The following MED1 variants were observed in gnomAD, a reference collection of about 807,000 sequenced individuals.
MED1 encodes mediator of RNA polymerase II transcription subunit 1.
A neutral mutation model predicts 121.3 loss-of-function variants in MED1; 17 were observed. The ratio of observed to expected loss-of-function variants is 0.14; its 90% CI spans 0.10 to 0.21. The LOEUF is 0.21. Among genes scored for constraint, MED1 ranks in the 10% least tolerant of loss-of-function variants. The probability of loss-of-function intolerance (pLI) is 1.00; values close to 1 mark genes in which losing one functional copy is unlikely to be tolerated. For missense variants in MED1, 1,558 were observed against 1,919.4 expected, an observed-to-expected ratio of 0.81 and a Z score of 3.52; for synonymous variants, 661 against 694.4, an observed-to-expected ratio of 0.95 and a Z score of 0.76.
At chr17:39,411,722 G>A (rs1392962206) in intron 16 of MED1, among the ~76,000 whole-genome samples, 2 of 151,802 alleles carry the variant, frequency 1.3e-5, no homozygotes, top group Non-Finnish European at 2.9e-5. Flanking sequence ...AATCTCCGCC[G>A]GTCAGAGTGG....
In MED1 at chr17:39,405,101, G is replaced by C. The variant is rs1413493927; in HGVS notation, c.*2374C>G. On this transcript the variant is annotated 3_prime_UTR_variant, in exon 17 of 17. Coordinates refer to ENST00000300651, the MANE Select transcript of MED1 (RefSeq NM_004774.4). ...CAGAAGAATGAGTACACCTAGACAGGAGGGAGGTGTCCCAGGCTTGGTTTA... is the reference window on the plus strand; with the variant it reads ...CAGAAGAATGAGTACACCTAGACAGCAGGGAGGTGTCCCAGGCTTGGTTTA... The C allele has an allele frequency of 9.0e-7, 1 of 1,107,368 alleles. No homozygotes were observed. Among genetic ancestry groups the C allele is most frequent in the Non-Finnish European group, 1.2e-6 (1 of 802,940 alleles). 68.6% of individuals were successfully genotyped at this position (1,107,368 alleles called of 1,614,324 possible).
At chr17:39,423,269 T>G in intron 13 of MED1, 58 bp downstream of exon 13, 1 of 1,265,086 alleles carries the variant, frequency 7.9e-7, no homozygotes, top group Admixed American at 1.8e-5. Context: ...AAAGGAAGAT[T>G]ATGATCTTGG....
intron 10 of MED1, 24 bp from the exon 11 acceptor site, chr17:39,424,762 T>A (rs1231355824): frequency 7.3e-7 from 1 of 1,373,284 alleles, no homozygotes; most frequent in Non-Finnish European, 1.0e-6. Context: ...AGAAAAAGGG[T>A]ATTCCTCAAA....
intron 14 of MED1, among the ~76,000 whole-genome samples, chr17:39,418,641 A>G (rs2144729963): frequency 6.6e-6 from 1 of 152,302 alleles, no homozygotes; most frequent in South Asian, 2.1e-4. Flanking sequence ...GTTCAGAAAA[A>G]GAGTTAAGAA....
Position 39,405,553 on chromosome 17 carries a change from C to A in MED1, c.*1922G>T. The A allele has an allele frequency of 7.4e-7, 1 of 1,347,386 alleles. No individual in the cohort carries two copies. The highest frequency in any genetic ancestry group is 9.5e-7 in the Non-Finnish European group (1 of 1,048,622). 83.5% of individuals were successfully genotyped at this position (1,347,386 alleles called of 1,614,324 possible). ...CCAACCTGGCTGAATGTCTGAGAGGCTGCTACTGTATCAACATCACAAGAT... is the reference window on the plus strand; with the variant it reads ...CCAACCTGGCTGAATGTCTGAGAGGATGCTACTGTATCAACATCACAAGAT... On this transcript the variant is annotated 3_prime_UTR_variant, in exon 17 of 17. Transcript: ENST00000300651.
At chr17:39,419,612 AC>A (rs936285598) in intron 14 of MED1, 104 bp downstream of exon 14, 43 of 1,167,206 alleles carry the variant, frequency 3.7e-5, no homozygotes, top group African/African-American at 1.7e-4. Context: ...AAAAAAAAAA[AC>A]TTTTTTTAAG....
chr17:39,436,080 A>C (rs1220398202), intron 6 of MED1, among the ~76,000 whole-genome samples: 2 of 151,612 alleles, frequency 1.3e-5, no homozygotes, highest in Non-Finnish European at 2.9e-5. Context: ...TCGAAAAAAA[A>C]GGCCGGGTGC....
At chr17:39,418,620 T>TA (rs1377754446) in intron 14 of MED1, among the ~76,000 whole-genome samples, 2 of 152,108 alleles carry the variant, frequency 1.3e-5, no homozygotes, top group Non-Finnish European at 1.5e-5. Context: ...AATACCCAGT[T>TA]ACATTACTAT....
chr17:39,420,787 G>A (rs2048455702), intron 13 of MED1, among the ~76,000 whole-genome samples: 1 of 128,496 alleles, frequency 7.8e-6, no homozygotes, highest in Admixed American at 8.9e-5. Flanking sequence ...AACCACATGT[G>A]CCTATTTTTT....
At chr17:39,434,005 T>C (rs542745684) in intron 7 of MED1, among the ~76,000 whole-genome samples, 4 of 152,278 alleles carry the variant, frequency 2.6e-5, no homozygotes, top group Admixed American at 6.5e-5. Flanking sequence ...AGCCTAGAAA[T>C]TGGAATGTTG....
intron 1 of MED1, among the ~76,000 whole-genome samples, chr17:39,450,697 C>A (rs773633590): frequency 2.6e-5 from 4 of 152,128 alleles, no homozygotes; most frequent in Non-Finnish European, 5.9e-5. Context: ...AAAATAGTCT[C>A]CAGTACGTTT....
intron 6 of MED1, among the ~76,000 whole-genome samples, chr17:39,438,722 C>T (rs938485165): frequency 1.3e-5 from 2 of 152,110 alleles, no homozygotes; most frequent in African/African-American, 4.8e-5. Context: ...ATCCACCTGC[C>T]TCAGCCTCCC....
rs759704660 is a variant in MED1 at position 39,407,851 on chromosome 17, G to A, written c.4370C>T (p.Thr1457Ile). Residue 1457 changes from threonine to isoleucine, a missense_variant, in exon 17 of 17, where the codon ACC becomes ATC. Thr to Ile is a moderately conservative substitution (Grantham distance 89). Transcript: ENST00000300651. Reference protein sequence around the residue: ...SPSHSKSPAYTPQNLDSESES... With the variant: ...SPSHSKSPAYIPQNLDSESES... ...ACTTTCACTGTCCAGATTCTGGGGGGTATATGCTGGTGACTTACTATGGCT... is the reference window on the plus strand; with the variant it reads ...ACTTTCACTGTCCAGATTCTGGGGGATATATGCTGGTGACTTACTATGGCT... 5 of 1,614,108 alleles carry A rather than the reference G, an allele frequency of 3.1e-6. No homozygotes were observed. The South Asian group carries it at 4.4e-5, about 14-fold the overall frequency.
Position 39,440,507 on chromosome 17 carries a change from T to A in MED1, c.278A>T (p.His93Leu). 2 of 1,610,854 alleles carry A rather than the reference T, an allele frequency of 1.2e-6. No homozygotes were observed. The highest frequency in any genetic ancestry group is 1.3e-5 in the African/African-American group (1 of 74,624). ...SIARQNGLGS[H>L]LSASGTECYI... ...ACATTCAGTGCCACTGGCACTGAGA[T>A]GAGAGCCCAGTCTAGCAGGAACAAA... Residue 93 changes from histidine (H) to leucine (L), a missense_variant, in exon 5 of 17, where the codon CAT becomes CTT. By Grantham distance (99) the His-to-Leu change is moderately conservative. Transcript: ENST00000300651. This position sits in a 1 kb window ranked among gnomAD's most constrained non-coding sequence, Gnocchi z 4.1.
chr17:39,407,149 A>G lies in MED1; in HGVS notation c.*326T>C, dbSNP rs2048309782. 5.9e-6 allele frequency: 6 copies of G among 1,012,258 alleles called. No homozygotes were observed. Among genetic ancestry groups the G allele is most frequent in the South Asian group, 9.0e-5 (2 of 22,262 alleles). The allele number at this position is 1,012,258 out of a possible 1,614,324, so 62.7% of individuals were successfully genotyped here. A position where few individuals can be genotyped will look rare whatever the true frequency, so the allele number is the denominator to read the frequency against. On this transcript the variant is annotated 3_prime_UTR_variant, in exon 17 of 17. Coordinates refer to ENST00000300651, the MANE Select transcript of MED1 (RefSeq NM_004774.4). The stretch of plus-strand genomic sequence containing the variant: ...AATGGAAAAAGGGAGAAGAAAATAT[A>G]TATGAATATTTCCCACAAAACTGTT...
rs2144711265 is a variant in MED1, at chr17:39,407,648, A to C, written c.4573T>G (p.Ser1525Ala). 3 of 1,612,768 alleles carry C rather than the reference A, an allele frequency of 1.9e-6. No individual in the cohort carries two copies. The highest frequency in any genetic ancestry group is 2.5e-6 in the Non-Finnish European group (3 of 1,179,622). ...DRDKDRDKKK[S>A]HSIKPESWSK... ...CAACTCTCTGGCTTGATGCTATGAG[A>C]TTTTTTCTTGTCTCGGTCTTTGTCC... Residue 1525 changes from serine (S) to alanine (A), a missense_variant, in exon 17 of 17, where the codon TCT becomes GCT. Ser to Ala is a moderately conservative substitution (Grantham distance 99). This residue lies in a region of MED1 where 264 missense variants were observed against 326.1 expected (regional missense o/e 0.81). Coordinates refer to ENST00000300651, the MANE Select transcript of MED1 (RefSeq NM_004774.4).
chr17:39,408,724 C>G lies in MED1; in HGVS notation c.3497G>C (p.Gly1166Ala). The G allele has an allele frequency of 6.2e-7, 1 of 1,614,206 alleles. No homozygotes were observed. Among genetic ancestry groups the G allele is most frequent in the Non-Finnish European group, 8.5e-7 (1 of 1,180,042 alleles). ...SPITKHGLSSGSSSTKMKPQG... is the reference protein window; with the variant it reads ...SPITKHGLSSASSSTKMKPQG... Reference sequence around the variant, plus strand: ...AGGTTTCATCTTGGTGCTGCTAGAGCCACTGCTCAGTCCATGCTTGGTTAT... The same window carrying G: ...AGGTTTCATCTTGGTGCTGCTAGAGGCACTGCTCAGTCCATGCTTGGTTAT... The change falls in exon 17 of 17, where the codon GGC becomes GCC. Residue 1166 changes from glycine (G) to alanine (A), a missense_variant. Physicochemically the swap from Gly to Ala is moderately conservative, Grantham distance 60 (BLOSUM62 0). This residue lies in a region of MED1 where 793 missense variants were observed against 898.2 expected (regional missense o/e 0.88). Coordinates refer to ENST00000300651, the MANE Select transcript of MED1 (RefSeq NM_004774.4). This position sits in a 1 kb window ranked among gnomAD's most constrained non-coding sequence, Gnocchi z 4.7.
intron 6 of MED1, among the ~76,000 whole-genome samples, chr17:39,436,903 G>C (rs1233842063): frequency 6.6e-6 from 1 of 151,768 alleles, no homozygotes; most frequent in Non-Finnish European, 1.5e-5. Flanking sequence ...GAGTAGCTGG[G>C]ATTACACGTG....
chr17:39,405,323 G>T lies in MED1; in HGVS notation c.*2152C>A. ...GATTCTTTGATCTGGGATGAAGACA[G>T]AAAGAGAGAAAAGCTTCCCAGTTTA... On this transcript the variant is annotated 3_prime_UTR_variant, in exon 17 of 17. Transcript: ENST00000300651. The T allele has an allele frequency of 1.3e-6, 2 of 1,599,990 alleles. No individual in the cohort carries two copies. The highest frequency in any genetic ancestry group is 1.7e-6 in the Non-Finnish European group (2 of 1,173,562).
Sources: gnomAD v4.1 joint callset for allele counts (sites outside exome capture counted in the v4.1 genomes callset) on GRCh38, gnomAD v4.1.1 for gene constraint, gnomAD v4.1.1 regional missense constraint, Gnocchi (gnomAD v3.1) non-coding constraint, MANE v1.5 for transcripts, NCBI Gene and HGNC (gene_info 2026-07-23, HGNC 2026-07-21) for gene names.